Variants in DLC1 observed in about 807,000 individuals in gnomAD.
DLC1 encodes rho GTPase-activating protein 7.
DLC1 carries 54 observed loss-of-function variants against 140.3 expected under a neutral mutation model. That is an observed-to-expected ratio of 0.38 (90% CI 0.31 to 0.48). DLC1 has a LOEUF of 0.48. Among genes scored for constraint, DLC1 ranks in the 20% least tolerant of loss-of-function variants. The probability of loss-of-function intolerance (pLI) is 0.96; values close to 1 mark genes in which losing one functional copy is unlikely to be tolerated. For synonymous variants in DLC1, 986 were observed against 728.1 expected, an observed-to-expected ratio of 1.35 and a Z score of -5.70; for missense variants, 2,536 against 1,907.0, an observed-to-expected ratio of 1.33 and a Z score of -6.14.
intron 5 of DLC1, among the ~76,000 whole-genome samples, chr8:13,231,842 C>T (rs909190030): frequency 6.6e-6 from 1 of 152,192 alleles, no homozygotes; most frequent in African/African-American, 2.4e-5. Context: ...GACTTAGAAC[C>T]ATCGTTTCTT....
chr8:13,088,583 G>A lies in DLC1; in HGVS notation c.4196C>T (p.Ser1399Leu), dbSNP rs765441468. The part of the protein sequence containing the change: ...QHLWDVDLLD[S>L]KVIEILDSQT... ...GCTGTCCAGAATTTCGATCACTTTT[G>A]AATCCAACAGGTCTACATCCCAGAG... The change falls in exon 16 of 18, where the codon TCA becomes TTA. Residue 1399 changes from serine to leucine, a missense_variant. Physicochemically the swap from Ser to Leu is moderately radical, Grantham distance 145. Transcript: ENST00000276297. 1 of 1,614,122 alleles carries A rather than the reference G, an allele frequency of 6.2e-7. No homozygotes were observed. The highest frequency in any genetic ancestry group is 1.1e-5 in the South Asian group (1 of 91,070).
In DLC1 at chr8:13,507,346, T is replaced by G. The variant is rs570027836; in HGVS notation, c.-125-7150A>C. Reference sequence around the variant, plus strand: ...TCCTTTATGTAAATACACAAACAAATAGCAAAAACCGTAAGAGCACATTTC... The same window carrying G: ...TCCTTTATGTAAATACACAAACAAAGAGCAAAAACCGTAAGAGCACATTTC... On this transcript the variant is annotated intron_variant, in intron 1 of 17. Coordinates refer to ENST00000276297, the MANE Select transcript of DLC1 (RefSeq NM_182643.3). 2.0e-5 allele frequency among the ~76,000 whole-genome samples: 3 copies of G among 152,192 alleles called. No homozygotes were observed. In the South Asian group the frequency reaches 6.2e-4, roughly 32 times the overall value.
rs554105646 is a variant in DLC1 at position 13,232,820 on chromosome 8, A to G, written c.1348+72449T>C. 6.6e-5 allele frequency among the ~76,000 whole-genome samples: 10 copies of G among 152,354 alleles called. No homozygotes were observed. In the South Asian group the frequency reaches 1.9e-3, roughly 28 times the overall value. ...TGAAAATATCCTATAGTCTCAGATG[A>G]GTTCTTAGAAATAGTTATTTTTCTC... On this transcript the variant is annotated intron_variant, in intron 5 of 17. Coordinates refer to ENST00000276297, the MANE Select transcript of DLC1 (RefSeq NM_182643.3).
At chr8:13,261,680 G>T (rs573623193) in intron 5 of DLC1, among the ~76,000 whole-genome samples, 2 of 152,072 alleles carry the variant, frequency 1.3e-5, no homozygotes, top group Non-Finnish European at 2.9e-5. Context: ...TGCATTTGCA[G>T]GTACAGATGA....
At chr8:13,585,227 C>T (rs970601487) in intron 1 of DLC1, among the ~76,000 whole-genome samples, 6 of 152,002 alleles carry the variant, frequency 3.9e-5, no homozygotes, top group Non-Finnish European at 8.8e-5. Context: ...GACAAGGTGA[C>T]CCCTGAGCAA....
chr8:13,310,536 T>C (rs983943460), intron 4 of DLC1, among the ~76,000 whole-genome samples: 1 of 152,156 alleles, frequency 6.6e-6, no homozygotes, highest in Non-Finnish European at 1.5e-5. Context: ...TGTGGGCACA[T>C]GGGCAACAGG....
chr8:13,193,589 C>G (rs1156849735), intron 5 of DLC1, among the ~76,000 whole-genome samples: 2 of 152,090 alleles, frequency 1.3e-5, no homozygotes, highest in Non-Finnish European at 2.9e-5. Context: ...TGTGGCAACC[C>G]AATTCTGGTT....
chr8:13,479,658 G>T (rs117762505), intron 2 of DLC1, among the ~76,000 whole-genome samples: 3,636 of 151,862 alleles, frequency 0.024, 63 homozygotes, highest in Non-Finnish European at 0.034. Context: ...ACAAGCTACT[G>T]GTTGGGCAAG....
intron 5 of DLC1, among the ~76,000 whole-genome samples, chr8:13,211,848 C>A (rs556696367): frequency 6.6e-6 from 1 of 152,144 alleles, no homozygotes; most frequent in Non-Finnish European, 1.5e-5. Context: ...AGAGTAGAGG[C>A]TTTTTTGGAA....
intron 2 of DLC1, among the ~76,000 whole-genome samples, chr8:13,489,713 C>T (rs898298015): frequency 1.3e-5 from 2 of 152,112 alleles, no homozygotes; most frequent in Non-Finnish European, 2.9e-5. Context: ...TTGTTCTAGG[C>T]ATAGTGAAGA....
rs146206752 is a variant in DLC1 at position 13,349,156 on chromosome 8, G to T, written c.1315-43854C>A. Among the ~76,000 whole-genome samples, 19 of 152,290 alleles carry T rather than the reference G, an allele frequency of 1.2e-4. No individual in the cohort carries two copies. In the East Asian group the frequency reaches 3.7e-3, roughly 29 times the overall value. On this transcript the variant is annotated intron_variant, in intron 4 of 17. Coordinates refer to ENST00000276297, the MANE Select transcript of DLC1 (RefSeq NM_182643.3). ...GGACCCAAGGATGTTGGGCAGAGCTGAGGGCAGGATGAGGTGCAATGGGGG... is the reference window on the plus strand; with the variant it reads ...GGACCCAAGGATGTTGGGCAGAGCTTAGGGCAGGATGAGGTGCAATGGGGG...
intron 2 of DLC1, among the ~76,000 whole-genome samples, chr8:13,493,233 A>G (rs1296062541): frequency 6.6e-6 from 1 of 152,198 alleles, no homozygotes; most frequent in Non-Finnish European, 1.5e-5. Flanking sequence ...CTGCAGAGCT[A>G]TATATACCTA....
At chr8:13,390,238 A>C (rs1230665650) in intron 4 of DLC1, among the ~76,000 whole-genome samples, 1 of 152,188 alleles carries the variant, frequency 6.6e-6, no homozygotes, top group Non-Finnish European at 1.5e-5. Context: ...AAATTGAAAG[A>C]ATGATTCCCC....
At chr8:13,286,980 C>A (rs765107279) in intron 5 of DLC1, among the ~76,000 whole-genome samples, 3 of 152,152 alleles carry the variant, frequency 2.0e-5, no homozygotes, top group African/African-American at 7.2e-5. Flanking sequence ...GACTGAAGCA[C>A]AAATGCGGAT....
intron 1 of DLC1, among the ~76,000 whole-genome samples, chr8:13,578,438 G>T (rs921469880): frequency 1.3e-5 from 2 of 152,088 alleles, no homozygotes; most frequent in Admixed American, 1.3e-4. Flanking sequence ...TACAAACTGG[G>T]TGTCCTAGAA....
intron 7 of DLC1, among the ~76,000 whole-genome samples, chr8:13,105,064 T>C (rs957747063): frequency 4.6e-5 from 7 of 152,084 alleles, no homozygotes; most frequent in African/African-American, 1.7e-4. Context: ...TCATTTGGGC[T>C]TTAATGGTTG....
At chr8:13,460,372 C>T (rs1213868754) in intron 2 of DLC1, among the ~76,000 whole-genome samples, 1 of 152,214 alleles carries the variant, frequency 6.6e-6, no homozygotes, top group Non-Finnish European at 1.5e-5. Context: ...TAAAAGACTT[C>T]TGTACAGATT....
chr8:13,525,791 C>T (rs754882201), intron 1 of DLC1, among the ~76,000 whole-genome samples: 49 of 152,008 alleles, frequency 3.2e-4, no homozygotes, highest in Non-Finnish European at 5.3e-4. Context: ...TTTGAAAATG[C>T]CTTTTGAAGA....
chr8:13,259,141 A>G lies in DLC1; in HGVS notation c.1348+46128T>C, dbSNP rs1357200325. ...AACGCAGTGAAACTCCGTCTCAAGA[A>G]AAAAAAAAAAAAAAAAAAGAGAAAA... is the stretch of plus-strand genomic sequence containing the variant. On this transcript the variant is annotated intron_variant, in intron 5 of 17. Transcript: ENST00000276297. Among the ~76,000 whole-genome samples, 221 of 117,664 alleles carry G rather than the reference A, an allele frequency of 1.9e-3. 1 individual carries two copies. In the East Asian group the frequency reaches 0.036, roughly 19 times the overall value. 77.2% of individuals were successfully genotyped at this position (117,664 alleles called of 152,430 possible). A position where few individuals can be genotyped will look rare whatever the true frequency, so the allele number is the denominator to read the frequency against.
Sources: allele counts gnomAD v4.1 joint callset (sites outside exome capture counted in the v4.1 genomes callset), GRCh38; gene constraint gnomAD v4.1.1; transcripts MANE v1.5; gene names NCBI Gene and HGNC (gene_info 2026-07-23, HGNC 2026-07-21).